The following UGGT1 variants were observed in gnomAD, a reference collection of about 807,000 sequenced individuals.
The protein encoded by UGGT1 is UDP-glucose glycoprotein glucosyltransferase 1.
UGGT1 carries 107 observed loss-of-function variants against 203.9 expected under a neutral mutation model. That is an observed-to-expected ratio of 0.52 (90% CI 0.45 to 0.62). The LOEUF is 0.62. Among genes scored for constraint, UGGT1 ranks in the 20% least tolerant of loss-of-function variants. The pLI is 0.00. For missense variants in UGGT1, 1,673 were observed against 1,867.2 expected (o/e 0.90, Z 1.92); for synonymous variants, 628 against 653.5 (o/e 0.96, Z 0.59).
rs1351053745 is a variant in UGGT1 at position 128,157,329 on chromosome 2, G to C, written c.2338G>C (p.Asp780His). Residue 780 changes from aspartate to histidine, a missense_variant, in exon 22 of 41, where the codon GAT (aspartate) becomes CAT (histidine). By Grantham distance (81) the Asp-to-His change is moderately conservative (BLOSUM62 -1). Coordinates refer to ENST00000259253, the MANE Select transcript of UGGT1 (RefSeq NM_020120.4). The part of the protein sequence containing the change: ...DSPSGRQLLY[D>H]AIKHQKSSNN... ...CCCTTCTGGACGGCAGTTACTGTAT[G>C]ATGCCATCAAACATCAGGCAAGTAT... 1 of 1,614,018 alleles carries C rather than the reference G, an allele frequency of 6.2e-7. No individual in the cohort carries two copies. The highest frequency in any genetic ancestry group is 8.5e-7 in the Non-Finnish European group (1 of 1,179,918).
At chr2:128,110,249 A>G (rs1000782529) in intron 5 of UGGT1, among the ~76,000 whole-genome samples, 2 of 152,114 alleles carry the variant, frequency 1.3e-5, no homozygotes, top group African/African-American at 4.8e-5. Context: ...CAACTCTGCT[A>G]TGTATCATTT....
rs2105369320 is a variant in UGGT1, at chr2:128,113,205, A to G, written c.643A>G (p.Ile215Val). ...EEFSNFHRQL[I>V]SKSNAGKINY... Reference sequence around the variant, plus strand: ...ATTTTCCAATTTTCACCGCCAGCTTATATCAAAAAGCAATGCAGGCAAAAT... The same window carrying G: ...ATTTTCCAATTTTCACCGCCAGCTTGTATCAAAAAGCAATGCAGGCAAAAT... The change falls in exon 6 of 41, where the codon ATA (isoleucine) becomes GTA (valine). Residue 215 changes from isoleucine to valine, a missense_variant. Physicochemically the swap from Ile to Val is conservative, Grantham distance 29 (BLOSUM62 3). Coordinates refer to ENST00000259253, the MANE Select transcript of UGGT1 (RefSeq NM_020120.4). 6.2e-7 allele frequency: 1 copy of G among 1,613,248 alleles called. No individual in the cohort carries two copies. The highest frequency in any genetic ancestry group is 8.5e-7 in the Non-Finnish European group (1 of 1,179,594).
intron 18 of UGGT1, among the ~76,000 whole-genome samples, chr2:128,147,132 C>G (rs1689730309): frequency 6.6e-6 from 1 of 152,176 alleles, no homozygotes; most frequent in Non-Finnish European, 1.5e-5. Flanking sequence ...CTTTTCTCTT[C>G]CCTCCTCTCA....
intron 38 of UGGT1, among the ~76,000 whole-genome samples, chr2:128,185,361 G>A (rs1691921549): frequency 6.6e-6 from 1 of 151,016 alleles, no homozygotes; most frequent in Non-Finnish European, 1.5e-5. Flanking sequence ...GTTGAGACAG[G>A]GTTTCACCAT....
intron 13 of UGGT1, among the ~76,000 whole-genome samples, chr2:128,131,624 ATTGTGTTGCATTGCG>A (rs1022293675): frequency 6.6e-5 from 10 of 151,306 alleles, no homozygotes; most frequent in East Asian, 5.8e-4. Context: ...GTTGTGTTGC[ATTGTGTTGCATTGCG>A]TTGTGTTGCA....
intron 15 of UGGT1, among the ~76,000 whole-genome samples, chr2:128,135,793 A>C (rs1198785465): frequency 6.6e-6 from 1 of 152,238 alleles, no homozygotes; most frequent in Non-Finnish European, 1.5e-5. Context: ...TTGGGAAGCC[A>C]AAGGTTTTTG....
At chr2:128,116,425 A>C (rs896395694) in intron 8 of UGGT1, 82 bp downstream of exon 8, 1 of 869,834 alleles carries the variant, frequency 1.1e-6, no homozygotes, top group Admixed American at 1.9e-5. Context: ...GCATCATCTT[A>C]CTCATTACTG....
intron 1 of UGGT1, among the ~76,000 whole-genome samples, chr2:128,096,383 A>G (rs1687117238): frequency 6.6e-6 from 1 of 152,260 alleles, no homozygotes; most frequent in South Asian, 2.1e-4. Context: ...TCACAGTGCT[A>G]GAAATCCTTA....
intron 36 of UGGT1, 69 bp downstream of exon 36, chr2:128,181,141 A>G (rs974524830): frequency 4.4e-5 from 64 of 1,444,030 alleles, no homozygotes; most frequent in Non-Finnish European, 5.0e-5. Flanking sequence ...TTTAAATGCT[A>G]TTTTTTCCAC....
Position 128,091,236 on chromosome 2 carries a change from C to G in UGGT1, c.-122C>G, listed in dbSNP as rs1573474096. ...TGCTTTGCGAGGCTGGGTGTTGAGT[C>G]GAGCCGCGGGAAAGGCGCGTGTCGG... On this transcript the variant is annotated 5_prime_UTR_variant, in exon 1 of 41. Coordinates refer to ENST00000259253, the MANE Select transcript of UGGT1 (RefSeq NM_020120.4). The G allele has an allele frequency of 8.8e-6, 10 of 1,135,170 alleles. No homozygotes were observed. Among genetic ancestry groups the G allele is most frequent in the Admixed American group, 3.0e-5 (1 of 33,022 alleles). The allele number at this position is 1,135,170 out of a possible 1,614,324, so 70.3% of individuals were successfully genotyped here. A position where few individuals can be genotyped will look rare whatever the true frequency, so the allele number is the denominator to read the frequency against.
At position 128,182,170 on chromosome 2, in the gene UGGT1, T is replaced by C; in HGVS notation, c.4124T>C (p.Leu1375Ser). The change falls in exon 37 of 41, where the codon TTG (leucine) becomes TCG (serine). Residue 1375 changes from leucine to serine, a missense_variant. Transcript: ENST00000259253. ...TDLKELRDFN[L>S]DGAPYGYTPF... is the part of the protein sequence containing the mutation. The stretch of plus-strand genomic sequence containing the variant: ...CTGAAAGAGTTAAGAGATTTCAATT[T>C]GGATGGTGCTCCTTATGGTTACACT... 6.2e-7 allele frequency: 1 copy of C among 1,614,168 alleles called. No individual in the cohort carries two copies. The highest frequency in any genetic ancestry group is 8.5e-7 in the Non-Finnish European group (1 of 1,180,012).
intron 4 of UGGT1, 48 bp downstream of exon 4, chr2:128,108,116 A>C (rs1687684686): frequency 1.3e-6 from 2 of 1,596,824 alleles, no homozygotes; most frequent in East Asian, 4.5e-5. Flanking sequence ...GTATATCATG[A>C]TGAATGGATG....
intron 32 of UGGT1, among the ~76,000 whole-genome samples, chr2:128,177,579 A>G (rs918200823): frequency 2.0e-5 from 3 of 152,156 alleles, no homozygotes; most frequent in African/African-American, 4.8e-5. Flanking sequence ...CTCTTTGCCT[A>G]TGTTGCAAGC....
At chr2:128,095,163 A>C (rs6704915) in intron 1 of UGGT1, among the ~76,000 whole-genome samples, 136,967 of 152,136 alleles carry the variant, frequency 0.9, 62,433 homozygotes, top group Non-Finnish European at 0.98. Flanking sequence ...TCTTCACTCA[A>C]CCAGCCAGGA....
rs149538859 is a variant in UGGT1, at chr2:128,166,007, C to T, written c.2921+1182C>T. Among the ~76,000 whole-genome samples, 416 of 152,326 alleles carry T rather than the reference C, an allele frequency of 2.7e-3. 2 individuals are homozygous for T. The highest frequency in any genetic ancestry group is 4.1e-3 in the Non-Finnish European group (282 of 68,034). ...AAACTCCTAGGCTCAAGTTATTCAT[C>T]TGCCTCAGCCTCCCAAGGTGCTTGG... On this transcript the variant is annotated intron_variant, in intron 26 of 40. Transcript: ENST00000259253.
In UGGT1 at chr2:128,123,272, C is replaced by G. The variant is rs74970224; in HGVS notation, c.1134+26C>G. ...GTATTCACCGATAGAAAATACTGAC[C>G]TGTTTTGTATTCTATCTTTAAAGAT... On this transcript the variant is annotated intron_variant, in intron 11 of 40. Transcript: ENST00000259253. The G allele has an allele frequency of 3.1e-4, 489 of 1,596,448 alleles. 3 individuals carry two copies. The African/African-American group carries it at 6.1e-3, about 20-fold the overall frequency.
chr2:128,104,077 CTCTT>C, intron 3 of UGGT1, 63 bp downstream of exon 3: 1 of 1,324,024 alleles, frequency 7.6e-7, no homozygotes, highest in Non-Finnish European at 1.0e-6. Context: ...AAAAAATTGT[CTCTT>C]TATAGTATGT....
chr2:128,181,473 A>T (rs140582711), intron 36 of UGGT1, among the ~76,000 whole-genome samples: 1 of 152,320 alleles, frequency 6.6e-6, no homozygotes, highest in East Asian at 1.9e-4. Flanking sequence ...GAACCTCCGG[A>T]TATTCTTCCG....
At chr2:128,122,765 G>T (rs1327393252) in intron 10 of UGGT1, among the ~76,000 whole-genome samples, 1 of 152,156 alleles carries the variant, frequency 6.6e-6, no homozygotes, top group Admixed American at 6.5e-5. Flanking sequence ...TAGACATCAT[G>T]TAGTGAATTC....
Sources: allele counts gnomAD v4.1 joint callset (sites outside exome capture counted in the v4.1 genomes callset), GRCh38; gene constraint gnomAD v4.1.1; transcripts MANE v1.5; gene names NCBI Gene and HGNC (gene_info 2026-07-23, HGNC 2026-07-21).